Variants in GRID2 observed in about 807,000 individuals in gnomAD.
GRID2 encodes glutamate receptor ionotropic, delta-2.
Under a neutral mutation model 114.8 loss-of-function variants are expected in GRID2, and 33 were observed. The observed-to-expected ratio is 0.29, with a 90% CI of 0.22 to 0.38. The LOEUF (loss-of-function observed/expected upper bound fraction) is 0.38. Among genes scored for constraint, GRID2 ranks in the 10% least tolerant of loss-of-function variants. The pLI is 1.00. For synonymous variants in GRID2, 505 were observed against 449.9 expected, an observed-to-expected ratio of 1.12 and a Z score of -1.55; for missense variants, 1,184 against 1,257.7, an observed-to-expected ratio of 0.94 and a Z score of 0.89.
intron 8 of GRID2, among the ~76,000 whole-genome samples, chr4:93,289,369 G>A (rs2149141971): frequency 6.6e-6 from 1 of 152,160 alleles, no homozygotes; most frequent in Non-Finnish European, 1.5e-5. Context: ...CAAACAAATA[G>A]CTACTTATTA....
chr4:92,873,855 C>G (rs1745447385), intron 2 of GRID2, among the ~76,000 whole-genome samples: 1 of 152,136 alleles, frequency 6.6e-6, no homozygotes. Context: ...GCTGAGATTA[C>G]AGGCATGTGC....
chr4:93,454,466 C>G (rs1723000143), intron 10 of GRID2, among the ~76,000 whole-genome samples: 2 of 151,926 alleles, frequency 1.3e-5, no homozygotes, highest in African/African-American at 4.8e-5. Flanking sequence ...GAGAGGAAAA[C>G]ACATAATTCA....
chr4:93,230,168 G>A (rs1443239841), intron 7 of GRID2, among the ~76,000 whole-genome samples: 1 of 151,786 alleles, frequency 6.6e-6, no homozygotes, highest in Admixed American at 6.6e-5. Context: ...GTGTGTGTGT[G>A]TGCATGCTAT....
At chr4:93,583,748 C>G (rs527847117) in intron 13 of GRID2, among the ~76,000 whole-genome samples, 15 of 152,252 alleles carry the variant, frequency 9.9e-5, no homozygotes, top group Admixed American at 3.9e-4. Context: ...CAAGGCCGTT[C>G]CTCAGACACA....
At chr4:92,999,223 T>C (rs1755394297) in intron 2 of GRID2, among the ~76,000 whole-genome samples, 1 of 151,958 alleles carries the variant, frequency 6.6e-6, no homozygotes, top group South Asian at 2.1e-4. Flanking sequence ...TGTACTTTTC[T>C]ATGCAGTGCA....
intron 1 of GRID2, among the ~76,000 whole-genome samples, chr4:92,381,946 T>G (rs928617311): frequency 6.6e-6 from 1 of 152,072 alleles, no homozygotes; most frequent in South Asian, 2.1e-4. Context: ...GATATTGATT[T>G]ATTACTATTT....
chr4:92,953,950 T>C (rs1752206591), intron 2 of GRID2, among the ~76,000 whole-genome samples: 1 of 152,166 alleles, frequency 6.6e-6, no homozygotes, highest in Non-Finnish European at 1.5e-5. Context: ...TTATAAAGTC[T>C]GTTTCCCAAA....
At chr4:92,903,828 T>A (rs1747757045) in intron 2 of GRID2, among the ~76,000 whole-genome samples, 1 of 151,956 alleles carries the variant, frequency 6.6e-6, no homozygotes. Flanking sequence ...CTGATTTACA[T>A]ACCGCACTTC....
At chr4:92,350,437 G>C (rs1227620946) in intron 1 of GRID2, among the ~76,000 whole-genome samples, 1 of 151,674 alleles carries the variant, frequency 6.6e-6, no homozygotes, top group Non-Finnish European at 1.5e-5. Flanking sequence ...CTTCAGAAAA[G>C]TTTTCTTGAA....
chr4:92,791,217 A>C (rs1395653172), intron 2 of GRID2, among the ~76,000 whole-genome samples: 1 of 151,786 alleles, frequency 6.6e-6, no homozygotes, highest in East Asian at 2.0e-4. Flanking sequence ...ATTAGTGGTA[A>C]GTTTATGGAC....
chr4:92,920,490 T>C (rs112981381), intron 2 of GRID2, among the ~76,000 whole-genome samples: 2,254 of 152,330 alleles, frequency 0.015, 22 homozygotes, highest in East Asian at 0.054. Flanking sequence ...TGGTACCAGT[T>C]GTCCCTTTCT....
intron 4 of GRID2, among the ~76,000 whole-genome samples, chr4:93,132,691 G>C (rs1282191483): frequency 6.6e-6 from 1 of 152,154 alleles, no homozygotes; most frequent in Non-Finnish European, 1.5e-5. Context: ...AATTCTAATT[G>C]GCAAAGGAAT....
At chr4:92,575,486 G>A (rs78524736) in intron 1 of GRID2, among the ~76,000 whole-genome samples, 3 of 152,186 alleles carry the variant, frequency 2.0e-5, no homozygotes, top group Non-Finnish European at 1.5e-5. Flanking sequence ...CTGACTTTTC[G>A]ATGGGTTTTT....
intron 4 of GRID2, among the ~76,000 whole-genome samples, chr4:93,181,857 G>A (rs1212606237): frequency 6.6e-6 from 1 of 152,122 alleles, no homozygotes; most frequent in East Asian, 1.9e-4. Context: ...GTGAATTAAT[G>A]AATTGATTTT....
chr4:93,648,961 T>C (rs1485511791), intron 14 of GRID2, among the ~76,000 whole-genome samples: 1 of 152,188 alleles, frequency 6.6e-6, no homozygotes, highest in Non-Finnish European at 1.5e-5. Flanking sequence ...GCCTGTCTTA[T>C]AGATTATAAA....
chr4:93,547,524 C>T (rs967059217), intron 13 of GRID2, among the ~76,000 whole-genome samples: 4 of 152,176 alleles, frequency 2.6e-5, no homozygotes, highest in South Asian at 2.1e-4. Flanking sequence ...TGTGACTTCA[C>T]GAATGTAAAA....
chr4:92,851,970 T>C (rs1743841553), intron 2 of GRID2, among the ~76,000 whole-genome samples: 1 of 151,926 alleles, frequency 6.6e-6, no homozygotes, highest in South Asian at 2.1e-4. Context: ...TTTAGAGTCC[T>C]TTTGTTAAGA....
At position 92,925,337 on chromosome 4, in the gene GRID2, A is replaced by G. The variant is rs964948441; in HGVS notation, c.245-159658A>G. Among the ~76,000 whole-genome samples, 4 of 152,084 alleles carry G rather than the reference A, an allele frequency of 2.6e-5. No homozygotes were observed. In the South Asian group the frequency reaches 6.2e-4, roughly 24 times the overall value. ...ATTTCAGAGATTAGAGGTGTCACTC[A>G]TGTCAAGAAACATTATAAGAGATCT... is the stretch of plus-strand genomic sequence containing the variant. On this transcript the variant is annotated intron_variant, in intron 2 of 15. Coordinates refer to ENST00000282020, the MANE Select transcript of GRID2 (RefSeq NM_001510.4).
At chr4:93,267,404 C>A (rs914708506) in intron 8 of GRID2, among the ~76,000 whole-genome samples, 1 of 152,066 alleles carries the variant, frequency 6.6e-6, no homozygotes, top group Non-Finnish European at 1.5e-5. Flanking sequence ...AATGCCCCAG[C>A]AGGGGGTGGA....
Sources: allele counts gnomAD v4.1 joint callset (sites outside exome capture counted in the v4.1 genomes callset), GRCh38; gene constraint gnomAD v4.1.1; transcripts MANE v1.5; gene names NCBI Gene and HGNC (gene_info 2026-07-23, HGNC 2026-07-21).